HPD: variants seen among roughly 807,000 people sequenced by gnomAD.
HPD encodes the protein 4-hydroxyphenylpyruvate dioxygenase.
HPD carries 35 observed loss-of-function variants against 56.9 expected under a neutral mutation model. That is an observed-to-expected ratio of 0.62 (90% CI 0.47 to 0.82). The LOEUF (loss-of-function observed/expected upper bound fraction) is 0.82. Ranked by LOEUF, HPD falls within the 40% of genes least tolerant of loss-of-function variation. HPD has a pLI of 0.00. For synonymous variants in HPD, 186 were observed against 200.2 expected (o/e 0.93, Z 0.60); for missense variants, 442 against 506.8 (o/e 0.87, Z 1.23).
chr12:121,848,539 T>C (rs1261866442), intron 9 of HPD, among the ~76,000 whole-genome samples: 1 of 152,104 alleles, frequency 6.6e-6, no homozygotes, highest in Non-Finnish European at 1.5e-5. Flanking sequence ...CTTGAACTCC[T>C]GACCTCAGGT....
the HPD span, among the ~76,000 whole-genome samples, chr12:121,883,139 T>C: frequency 6.7e-6 from 1 of 149,568 alleles, no homozygotes; most frequent in African/African-American, 2.5e-5. Flanking sequence ...GCAAAAAACG[T>C]GCCAGAAACT....
chr12:121,878,732 G>A, the HPD span, among the ~76,000 whole-genome samples: 1 of 148,474 alleles, frequency 6.7e-6, no homozygotes, highest in Non-Finnish European at 1.5e-5. Context: ...GGAGTGTAGT[G>A]ACACCATCAT....
At chr12:121,858,964 G>C, upstream of HPD, 1 of 941,290 alleles carries the variant, frequency 1.1e-6, no homozygotes, top group Non-Finnish European at 1.7e-6. Context: ...GCCCTGGAAG[G>C]TTCCAGGCCT....
chr12:121,871,482 C>T, the HPD span, among the ~76,000 whole-genome samples: 1 of 152,312 alleles, frequency 6.6e-6, no homozygotes, highest in East Asian at 1.9e-4. Flanking sequence ...AGGCAGAAGT[C>T]CATGGACAGA....
intron 7 of HPD, among the ~76,000 whole-genome samples, chr12:121,854,195 G>T (rs770319680): frequency 5.9e-5 from 9 of 152,180 alleles, no homozygotes; most frequent in Non-Finnish European, 1.3e-4. Flanking sequence ...GGCGGAGGTT[G>T]CAGAGAGCCA....
At chr12:121,883,567 T>A in the HPD span, among the ~76,000 whole-genome samples, 233 of 152,212 alleles carry the variant, frequency 1.5e-3, no homozygotes, top group Admixed American at 2.6e-3. Context: ...AGCTCTCTTT[T>A]CAGACCGCAT....
At position 121,854,746 on chromosome 12, in the gene HPD, T is replaced by C. The variant is rs920320378; in HGVS notation, c.371A>G (p.Glu124Gly). 7 of 1,614,148 alleles carry C rather than the reference T, an allele frequency of 4.3e-6. No homozygotes were observed. Among genetic ancestry groups the C allele is most frequent in the Admixed American group, 1.7e-5 (1 of 60,006 alleles). ...CTTCACCTTCCCAAACTTGTCTTGC[T>C]CTACCCAGGGCTCCCGCATGATTTT... The part of the protein sequence containing the change: ...GAKIMREPWV[E>G]QDKFGKVKFA... The change falls in exon 7 of 14, where the codon GAG becomes GGG. Residue 124 changes from glutamate to glycine, a missense_variant. Transcript: ENST00000289004.
At chr12:121,883,923 G>A in the HPD span, among the ~76,000 whole-genome samples, 1 of 151,918 alleles carries the variant, frequency 6.6e-6, no homozygotes, top group Non-Finnish European at 1.5e-5. Context: ...GTTAGTAGCT[G>A]AAACCATGAC....
chr12:121,843,750 G>T lies in HPD; in HGVS notation c.914C>A (p.Thr305Lys). The T allele has an allele frequency of 3.7e-6, 6 of 1,614,108 alleles. No homozygotes were observed. Among genetic ancestry groups the T allele is most frequent in the Non-Finnish European group, 4.2e-6 (5 of 1,180,018 alleles). Reference protein sequence around the residue: ...YYKQLREKLKTAKIKVKENID... With the variant: ...YYKQLREKLKKAKIKVKENID... ...GTTCTCCTTCACCTTGATCTTGGCC[G>T]TCTTCAGCTTCTCCCGCAGTTGTTT... The change falls in exon 12 of 14, where the codon ACG (threonine) becomes AAG (lysine). Residue 305 changes from threonine (T) to lysine (K), a missense_variant. Coordinates refer to ENST00000289004, the MANE Select transcript of HPD (RefSeq NM_002150.3).
intron 2 of HPD, 143 bp from the exon 3 acceptor site, chr12:121,857,962 C>A (rs1592924351): frequency 1.4e-6 from 1 of 720,754 alleles, no homozygotes; most frequent in Non-Finnish European, 2.5e-6. Flanking sequence ...GCAGCCTTGC[C>A]AAGCCTCAAA....
chr12:121,862,733 T>C (rs1463510552), upstream of HPD, among the ~76,000 whole-genome samples: 1 of 115,070 alleles, frequency 8.7e-6, no homozygotes, highest in African/African-American at 3.5e-5. Context: ...TAGGCTGGAG[T>C]GCAATGGTGC....
At chr12:121,856,548 CAG>C in intron 5 of HPD, 33 bp downstream of exon 5, 1 of 1,612,758 alleles carries the variant, frequency 6.2e-7, no homozygotes, top group Non-Finnish European at 8.5e-7. Flanking sequence ...ATCCCACCCA[CAG>C]AGCCATGCGT....
At chr12:121,880,531 C>T in the HPD span, among the ~76,000 whole-genome samples, 1 of 152,110 alleles carries the variant, frequency 6.6e-6, no homozygotes, top group Non-Finnish European at 1.5e-5. Context: ...TAGAATCAAG[C>T]ATTACCAAGA....
chr12:121,841,897 C>T (rs999026942), intron 12 of HPD, among the ~76,000 whole-genome samples: 1 of 152,082 alleles, frequency 6.6e-6, no homozygotes, highest in Non-Finnish European at 1.5e-5. Flanking sequence ...GTTGGCCAGG[C>T]TGGTCTTGAA....
chr12:121,864,170 C>T (rs1878259651), upstream of HPD, among the ~76,000 whole-genome samples: 1 of 151,738 alleles, frequency 6.6e-6, no homozygotes, highest in South Asian at 2.1e-4. Context: ...CACTTGAACC[C>T]GGGAGGCAGG....
chr12:121,844,246 T>A (rs967837707), intron 11 of HPD, among the ~76,000 whole-genome samples: 2 of 151,982 alleles, frequency 1.3e-5, no homozygotes, highest in East Asian at 3.9e-4. Context: ...GGTTTCACCA[T>A]GTTAGCCAGG....
the HPD span, among the ~76,000 whole-genome samples, chr12:121,870,509 A>G: frequency 6.6e-6 from 1 of 150,960 alleles, no homozygotes; most frequent in East Asian, 1.9e-4. Flanking sequence ...TCTGTCTCAA[A>G]AAAAAAAAAA....
the HPD span, among the ~76,000 whole-genome samples, chr12:121,880,440 C>T: frequency 1.3e-5 from 2 of 152,100 alleles, no homozygotes; most frequent in African/African-American, 2.4e-5. Flanking sequence ...GTGATCCACC[C>T]GCCTTGGCCT....
At chr12:121,880,338 T>C in the HPD span, among the ~76,000 whole-genome samples, 1 of 151,910 alleles carries the variant, frequency 6.6e-6, no homozygotes, top group Non-Finnish European at 1.5e-5. Flanking sequence ...TGGGATTACA[T>C]GCGCCCACCA....
Sources: gnomAD v4.1 joint callset for allele counts (sites outside exome capture counted in the v4.1 genomes callset) on GRCh38, gnomAD v4.1.1 for gene constraint, MANE v1.5 for transcripts, NCBI Gene and HGNC (gene_info 2026-07-23, HGNC 2026-07-21) for gene names.